KDM3B: variants seen among roughly 807,000 people sequenced by gnomAD.
KDM3B encodes the protein lysine demethylase 3B.
Under a neutral mutation model 170.0 loss-of-function variants are expected in KDM3B, and 10 were observed. The ratio of observed to expected loss-of-function variants is 0.06; its 90% CI spans 0.04 to 0.10. The LOEUF (loss-of-function observed/expected upper bound fraction) is 0.10, where lower values mean the gene tolerates loss of function less well. Ranked by LOEUF, KDM3B falls within the 10% of genes least tolerant of loss-of-function variation. KDM3B has a pLI of 1.00. For missense variants in KDM3B, 1,394 were observed against 2,195.2 expected (o/e 0.64, Z 7.29); for synonymous variants, 831 against 834.8 (o/e 1.00, Z 0.08).
intron 11 of KDM3B, among the ~76,000 whole-genome samples, chr5:138,400,213 T>G (rs1467831770): frequency 2.6e-5 from 4 of 152,074 alleles, no homozygotes; most frequent in Non-Finnish European, 4.4e-5. Context: ...AGGATTATTC[T>G]TAATTTTTCC....
chr5:138,411,278 C>T (rs1384056433), intron 11 of KDM3B, among the ~76,000 whole-genome samples: 1 of 152,180 alleles, frequency 6.6e-6, no homozygotes, highest in East Asian at 1.9e-4. Flanking sequence ...CACTATGTCC[C>T]CTCAGCTCCT....
intron 11 of KDM3B, among the ~76,000 whole-genome samples, chr5:138,413,510 C>A (rs984346175): frequency 6.6e-6 from 1 of 152,112 alleles, no homozygotes; most frequent in Non-Finnish European, 1.5e-5. Context: ...TCATTTCTTA[C>A]AAAGTTATAA....
intron 14 of KDM3B, among the ~76,000 whole-genome samples, chr5:138,419,922 G>A (rs1053648582): frequency 7.9e-5 from 12 of 151,760 alleles, no homozygotes; most frequent in Admixed American, 6.6e-4. Context: ...CTTGTTGCCT[G>A]GAGTTCCGGC....
Position 138,372,797 on chromosome 5 carries a change from C to A in KDM3B, c.316C>A (p.Leu106Ile). The A allele has an allele frequency of 6.2e-7, 1 of 1,614,128 alleles. No individual in the cohort carries two copies. The highest frequency in any genetic ancestry group is 1.1e-5 in the South Asian group (1 of 91,078). Residue 106 changes from leucine (L) to isoleucine (I), a missense_variant, in exon 2 of 24, where the codon CTT becomes ATT. Physicochemically the swap from Leu to Ile is conservative, Grantham distance 5 (BLOSUM62 2). Around this residue, in one of 19 missense-constraint regions of KDM3B, gnomAD observed 166 missense variants for 216.4 expected, o/e 0.77. Transcript: ENST00000314358. ...LVWAPREDPV[L>I]LQGIRVSIAQ... is the part of the protein sequence containing the mutation. ...ATGGGCGCCCCGTGAGGACCCAGTC[C>A]TTCTCCAGGGCATTCGAGTCTCCAT...
intron 5 of KDM3B, among the ~76,000 whole-genome samples, chr5:138,379,957 C>G (rs561768969): frequency 6.6e-6 from 1 of 152,204 alleles, no homozygotes; most frequent in South Asian, 2.1e-4. Flanking sequence ...GATAAAGTAT[C>G]TGAAAGTGCT....
chr5:138,374,045 G>A (rs1028206262), intron 2 of KDM3B, among the ~76,000 whole-genome samples: 1 of 152,080 alleles, frequency 6.6e-6, no homozygotes, highest in Non-Finnish European at 1.5e-5. Context: ...CCAGGCTGGA[G>A]TGCAGTGGCA....
intron 3 of KDM3B, among the ~76,000 whole-genome samples, chr5:138,377,331 A>G (rs1186328353): frequency 6.6e-6 from 1 of 152,240 alleles, no homozygotes; most frequent in Non-Finnish European, 1.5e-5. Context: ...TTAATAGCCT[A>G]TTGTATGTAG....
At chr5:138,414,196 C>A (rs1763045222) in intron 11 of KDM3B, among the ~76,000 whole-genome samples, 2 of 151,914 alleles carry the variant, frequency 1.3e-5, no homozygotes, top group South Asian at 4.1e-4. Flanking sequence ...GATGGAGTCT[C>A]GCTCTGTCGC....
intron 11 of KDM3B, among the ~76,000 whole-genome samples, chr5:138,400,285 A>C (rs1410382431): frequency 6.6e-6 from 1 of 151,048 alleles, no homozygotes; most frequent in East Asian, 1.9e-4. Flanking sequence ...CCCAGGTTGG[A>C]GCGCAGCGGC....
At chr5:138,376,873 A>G (rs572792519) in intron 3 of KDM3B, among the ~76,000 whole-genome samples, 53 of 152,124 alleles carry the variant, frequency 3.5e-4, no homozygotes, top group Non-Finnish European at 7.2e-4. Flanking sequence ...TTAATAGTTA[A>G]AACAAACCAG....
intron 10 of KDM3B, among the ~76,000 whole-genome samples, chr5:138,398,874 A>G (rs1762608607): frequency 6.7e-6 from 1 of 149,682 alleles, no homozygotes; most frequent in Non-Finnish European, 1.5e-5. Context: ...CTGTGAAATT[A>G]TATCCTAAAT....
intron 11 of KDM3B, among the ~76,000 whole-genome samples, chr5:138,409,154 A>G (rs924356847): frequency 2.2e-4 from 34 of 152,328 alleles, no homozygotes; most frequent in Admixed American, 1.7e-3. Context: ...TGTAACTTCT[A>G]TTCAGTATTT....
At chr5:138,373,840 G>A (rs1761932807) in intron 2 of KDM3B, among the ~76,000 whole-genome samples, 1 of 152,090 alleles carries the variant, frequency 6.6e-6, no homozygotes, top group African/African-American at 2.4e-5. Flanking sequence ...TGTCTTATTA[G>A]CAAAGTATAG....
intron 8 of KDM3B, among the ~76,000 whole-genome samples, chr5:138,392,904 C>CT (rs1180108897): frequency 1.3e-5 from 2 of 152,174 alleles, no homozygotes; most frequent in Admixed American, 6.5e-5. Flanking sequence ...TACATTCTGG[C>CT]TTCTTATGTT....
chr5:138,398,531 G>A lies in KDM3B; in HGVS notation c.3046+139G>A. The A allele has an allele frequency of 7.2e-6, 5 of 693,574 alleles. No individual in the cohort carries two copies. The South Asian group carries it at 9.4e-5, about 13-fold the overall frequency. The allele number at this position is 693,574 out of a possible 1,614,324, so 43.0% of individuals were successfully genotyped here. A position where few individuals can be genotyped will look rare whatever the true frequency, so the allele number is the denominator to read the frequency against. Reference sequence around the variant, plus strand: ...AAGACCGATAAGACTTCTCTTTGTAGCAACCTGTCGTTGAGACCTTAACTA... The same window carrying A: ...AAGACCGATAAGACTTCTCTTTGTAACAACCTGTCGTTGAGACCTTAACTA... On this transcript the variant is annotated intron_variant, in intron 10 of 23. Transcript: ENST00000314358.
In KDM3B at chr5:138,436,243, G is replaced by A. The variant is rs1474104412; in HGVS notation, c.*543G>A. ...ACTGGAGTCTTGCAAGACCCAGGGA[G>A]AACCCACTGCTTTTCCCAGGAGGCT... On this transcript the variant is annotated 3_prime_UTR_variant, in exon 24 of 24. Transcript: ENST00000314358. 1 of 152,488 alleles carries A rather than the reference G, an allele frequency of 6.6e-6. No individual in the cohort carries two copies. The highest frequency in any genetic ancestry group is 1.9e-4 in the East Asian group (1 of 5,198). 9.4% of individuals were successfully genotyped at this position (152,488 alleles called of 1,614,324 possible).
intron 7 of KDM3B, among the ~76,000 whole-genome samples, chr5:138,388,814 AAAAT>A (rs1234486917): frequency 6.6e-6 from 1 of 152,206 alleles, no homozygotes; most frequent in Admixed American, 6.5e-5. Flanking sequence ...TCCGTCTCAA[AAAAT>A]AAATAAATAA....
chr5:138,415,433 A>C (rs1047758211), intron 12 of KDM3B, among the ~76,000 whole-genome samples, 194 bp downstream of exon 12: 1 of 151,844 alleles, frequency 6.6e-6, no homozygotes, highest in Non-Finnish European at 1.5e-5. Flanking sequence ...GTATTATTGA[A>C]GAGACACTTC....
In KDM3B at chr5:138,391,611, C is replaced by T. The variant is rs771468902; in HGVS notation, c.1979C>T (p.Ser660Phe). The T allele has an allele frequency of 8.1e-6, 13 of 1,614,014 alleles. No individual in the cohort carries two copies. The Admixed American group carries it at 2.2e-4, about 27-fold the overall frequency. Reference sequence around the variant, plus strand: ...TTTGCATCTCAGGCATCAGGTAGCTCCTCTTCTGCTACCACTGTCACCTCC... The same window carrying T: ...TTTGCATCTCAGGCATCAGGTAGCTTCTCTTCTGCTACCACTGTCACCTCC... ...SSFASQASGS[S>F]SSATTVTSKV... The change falls in exon 8 of 24, where the codon TCC becomes TTC. Residue 660 changes from serine to phenylalanine, a missense_variant. Physicochemically the swap from Ser to Phe is radical, Grantham distance 155. Transcript: ENST00000314358. The surrounding 1 kb of genome is among the most constrained non-coding windows in gnomAD (Gnocchi z 5.0).
Sources: allele counts gnomAD v4.1 joint callset (sites outside exome capture counted in the v4.1 genomes callset), GRCh38; gene constraint gnomAD v4.1.1; regional missense constraint gnomAD v4.1.1; non-coding constraint Gnocchi (gnomAD v3.1); transcripts MANE v1.5; gene names NCBI Gene and HGNC (gene_info 2026-07-23, HGNC 2026-07-21).